Variants in SLC10A7 observed in about 807,000 individuals in gnomAD.
The protein encoded by SLC10A7 is solute carrier family 10 member 7.
A neutral mutation model predicts 43.2 loss-of-function variants in SLC10A7; 29 were observed. The observed-to-expected ratio is 0.67, with a 90% CI of 0.50 to 0.92. The LOEUF is 0.92. SLC10A7 is among the 40% of genes least tolerant of loss of function. The pLI, the probability that SLC10A7 is intolerant of heterozygous loss-of-function variation, is 0.00. For missense variants in SLC10A7, 295 were observed against 403.2 expected, an observed-to-expected ratio of 0.73 and a Z score of 2.30; for synonymous variants, 152 against 144.8, an observed-to-expected ratio of 1.05 and a Z score of -0.35.
At chr4:146,324,162 C>T (rs990858977) in intron 6 of SLC10A7, among the ~76,000 whole-genome samples, 33 of 151,944 alleles carry the variant, frequency 2.2e-4, no homozygotes, top group Non-Finnish European at 3.5e-4. Flanking sequence ...CACTGCTCAA[C>T]GAAATAAAAG....
chr4:146,460,476 A>G (rs1406447280), intron 4 of SLC10A7, among the ~76,000 whole-genome samples: 3 of 152,026 alleles, frequency 2.0e-5, no homozygotes, highest in Non-Finnish European at 4.4e-5. Context: ...GTACATTCAT[A>G]CAATGGAATA....
intron 5 of SLC10A7, among the ~76,000 whole-genome samples, chr4:146,342,227 G>T (rs1199834830): frequency 1.3e-5 from 2 of 151,352 alleles, no homozygotes; most frequent in African/African-American, 2.4e-5. Flanking sequence ...TCTTTTATTT[G>T]ACTGATTTTA....
At chr4:146,509,871 GC>G (rs1258928787) in intron 3 of SLC10A7, 41 bp downstream of exon 3, 2 of 1,577,100 alleles carry the variant, frequency 1.3e-6, no homozygotes, top group African/African-American at 1.4e-5. Flanking sequence ...CTCTAGAGAT[GC>G]CCCATTAAAA....
intron 4 of SLC10A7, among the ~76,000 whole-genome samples, chr4:146,445,438 C>G (rs1193769522): frequency 1.3e-5 from 2 of 152,158 alleles, no homozygotes; most frequent in Non-Finnish European, 2.9e-5. Context: ...TTTGTGCAGA[C>G]CCGCGGCAGT....
intron 4 of SLC10A7, among the ~76,000 whole-genome samples, chr4:146,469,744 G>A (rs764961524): frequency 1.3e-5 from 2 of 151,950 alleles, no homozygotes; most frequent in Non-Finnish European, 1.5e-5. Flanking sequence ...TCCTCCCACC[G>A]CAGCTTCCCG....
chr4:146,401,604 G>T (rs1343997065), intron 5 of SLC10A7, among the ~76,000 whole-genome samples: 1 of 152,020 alleles, frequency 6.6e-6, no homozygotes, highest in East Asian at 1.9e-4. Context: ...TTTTCAGGTT[G>T]GTTGCTGAAC....
chr4:146,322,005 C>T (rs189463866), intron 6 of SLC10A7, among the ~76,000 whole-genome samples: 1 of 152,112 alleles, frequency 6.6e-6, no homozygotes, highest in Non-Finnish European at 1.5e-5. Flanking sequence ...CCCGTTGACT[C>T]AGAAGGGAAG....
At chr4:146,462,993 G>T (rs1169056649) in intron 4 of SLC10A7, among the ~76,000 whole-genome samples, 1 of 152,100 alleles carries the variant, frequency 6.6e-6, no homozygotes, top group East Asian at 1.9e-4. Flanking sequence ...TAAAGGTCTT[G>T]TCCCCAGATC....
chr4:146,505,843 T>C (rs1266039067), intron 3 of SLC10A7, among the ~76,000 whole-genome samples: 1 of 152,224 alleles, frequency 6.6e-6, no homozygotes, highest in Non-Finnish European at 1.5e-5. Flanking sequence ...CTAAACACTT[T>C]ACATACTATC....
At chr4:146,385,210 T>C (rs1430958120) in intron 5 of SLC10A7, among the ~76,000 whole-genome samples, 1 of 152,170 alleles carries the variant, frequency 6.6e-6, no homozygotes, top group East Asian at 1.9e-4. Flanking sequence ...ATATTGGTAG[T>C]AGAAGGAGAT....
intron 6 of SLC10A7, among the ~76,000 whole-genome samples, chr4:146,316,400 A>C (rs937735013): frequency 5.9e-5 from 9 of 152,130 alleles, no homozygotes; most frequent in Admixed American, 4.6e-4. Context: ...CTGAGGGTGG[A>C]GACCTTATGA....
chr4:146,452,116 CAGAT>C (rs1731655413), intron 4 of SLC10A7, among the ~76,000 whole-genome samples: 1 of 152,190 alleles, frequency 6.6e-6, no homozygotes, highest in Admixed American at 6.5e-5. Flanking sequence ...TCCGGCAGAT[CAGAT>C]AAATAAAAAA....
intron 5 of SLC10A7, among the ~76,000 whole-genome samples, chr4:146,399,060 C>A (rs370401313): frequency 9.2e-5 from 14 of 152,152 alleles, no homozygotes; most frequent in East Asian, 3.8e-4. Context: ...ATAGAAAGCA[C>A]TAGGGCGGTA....
At chr4:146,519,101 ATATAT>A (rs1560991673) in intron 1 of SLC10A7, among the ~76,000 whole-genome samples, 7 of 43,652 alleles carry the variant, frequency 1.6e-4, no homozygotes, top group African/African-American at 4.8e-4. Flanking sequence ...ATATATATAT[ATATAT>A]ATATATAATA....
chr4:146,276,469 T>C (rs1204192542), intron 10 of SLC10A7, among the ~76,000 whole-genome samples: 1 of 152,324 alleles, frequency 6.6e-6, no homozygotes. Context: ...ACCTATTAAA[T>C]GCCCAATTAA....
At chr4:146,325,894 G>T (rs952339142) in intron 6 of SLC10A7, 67 bp downstream of exon 6, 3 of 1,388,654 alleles carry the variant, frequency 2.2e-6, no homozygotes, top group South Asian at 1.3e-5. Context: ...TTGTTCTAAT[G>T]ACCTTTCTTA....
At chr4:146,451,978 C>T (rs1019582709) in intron 4 of SLC10A7, among the ~76,000 whole-genome samples, 1 of 152,072 alleles carries the variant, frequency 6.6e-6, no homozygotes, top group Non-Finnish European at 1.5e-5. Flanking sequence ...CAGCCTCTAC[C>T]TCCAGGCATC....
intron 4 of SLC10A7, among the ~76,000 whole-genome samples, chr4:146,453,378 A>G (rs752432709): frequency 6.6e-6 from 1 of 152,030 alleles, no homozygotes; most frequent in Non-Finnish European, 1.5e-5. Flanking sequence ...GACACCAGAG[A>G]GAGCACATAA....
intron 5 of SLC10A7, among the ~76,000 whole-genome samples, chr4:146,353,750 T>A (rs1442733916): frequency 2.0e-5 from 1 of 48,972 alleles, no homozygotes; most frequent in Non-Finnish European, 3.8e-5. Context: ...AATCAATAAA[T>A]GTAATCCAGC....
Sources: allele counts gnomAD v4.1 joint callset (sites outside exome capture counted in the v4.1 genomes callset), GRCh38; gene constraint gnomAD v4.1.1; transcripts MANE v1.5; gene names NCBI Gene and HGNC (gene_info 2026-07-23, HGNC 2026-07-21).